The following HERC4 variants were observed in gnomAD, a reference collection of about 807,000 sequenced individuals.
HERC4 encodes the protein probable E3 ubiquitin-protein ligase HERC4.
HERC4 carries 28 observed loss-of-function variants against 124.3 expected under a neutral mutation model. That is an observed-to-expected ratio of 0.23 (90% confidence interval 0.17 to 0.31). The LOEUF (loss-of-function observed/expected upper bound fraction) is 0.31, where lower values mean the gene tolerates loss of function less well. HERC4 is among the 10% of genes least tolerant of loss of function. The pLI, the probability that HERC4 is intolerant of heterozygous loss-of-function variation, is 1.00. For missense variants in HERC4, 713 were observed against 1,229.3 expected (o/e 0.58, Z 6.28); for synonymous variants, 407 against 421.5 (o/e 0.97, Z 0.42).
chr10:67,966,504 G>A (rs1354226321), intron 16 of HERC4, 179 bp downstream of exon 16: 10 of 507,474 alleles, frequency 2.0e-5, no homozygotes, highest in Non-Finnish European at 2.7e-5. Flanking sequence ...AGAGTAGAAT[G>A]TTTGCATATA....
At chr10:68,070,268 CTTTAGTTAAAAACATTCTTAAAA>C in intron 3 of HERC4, 1 of 968,072 alleles carries the variant, frequency 1.0e-6, no homozygotes, top group Non-Finnish European at 1.2e-6. Context: ...ATATAAATAA[CTTTAGTTAAAAACATTCTTAAAA>C]TTTAGTTAAA....
At chr10:67,964,396 T>C (rs1165670559) in intron 16 of HERC4, among the ~76,000 whole-genome samples, 1 of 152,130 alleles carries the variant, frequency 6.6e-6, no homozygotes, top group Non-Finnish European at 1.5e-5. Context: ...TTTCCTCACT[T>C]CATATCCAAT....
At chr10:68,027,019 CAT>C in intron 7 of HERC4, among the ~76,000 whole-genome samples, 1 of 152,002 alleles carries the variant, frequency 6.6e-6, no homozygotes, top group East Asian at 1.9e-4. Flanking sequence ...AACAAAAAAA[CAT>C]ATAATATATA....
In HERC4 at chr10:68,073,076, C is replaced by T. The variant is rs1315867855; in HGVS notation, c.33G>A (p.Gln11=). 6.2e-7 allele frequency: 1 copy of T among 1,613,958 alleles called. No homozygotes were observed. The highest frequency in any genetic ancestry group is 2.2e-5 in the East Asian group (1 of 44,864). MLCWGNASFG[Q]LGLGGIDEEI... The stretch of plus-strand genomic sequence containing the variant: ...CTTCATCAATTCCACCCAAACCTAG[C>T]TGCCCAAAGGATGCATTTCCCCAGC... Residue 11 remains glutamine (Q), a synonymous_variant, in exon 3 of 25, where the codon CAG becomes CAA. Transcript: ENST00000373700.
intron 7 of HERC4, among the ~76,000 whole-genome samples, chr10:68,031,401 C>T (rs2485677): frequency 0.38 from 57,372 of 151,894 alleles, 11,709 homozygotes; most frequent in East Asian, 0.85. Context: ...ATTTAAGACT[C>T]GCCAACAGGA....
chr10:68,041,106 C>T (rs76919885), intron 4 of HERC4, among the ~76,000 whole-genome samples: 1 of 150,826 alleles, frequency 6.6e-6, no homozygotes, highest in Admixed American at 6.6e-5. Context: ...AGAAATCAGG[C>T]ATTGTTAGTT....
intron 3 of HERC4, among the ~76,000 whole-genome samples, chr10:68,048,146 T>C (rs748329447): frequency 1.2e-4 from 18 of 151,950 alleles, no homozygotes; most frequent in Admixed American, 8.5e-4. Flanking sequence ...CATGAACTCC[T>C]GGGCTCAAGT....
chr10:67,944,189 A>G (rs1325736221), intron 19 of HERC4, among the ~76,000 whole-genome samples: 1 of 152,242 alleles, frequency 6.6e-6, no homozygotes, highest in Non-Finnish European at 1.5e-5. Context: ...GTGCAGTCCC[A>G]GTAGTGGTGT....
rs2039864427 is a variant in HERC4, at chr10:68,043,387, T to C, written c.386+1017A>G. Among the ~76,000 whole-genome samples, 3 of 152,188 alleles carry C rather than the reference T, an allele frequency of 2.0e-5. No individual in the cohort carries two copies. In the South Asian group the frequency reaches 6.2e-4, roughly 32 times the overall value. Reference sequence around the variant, plus strand: ...TACTAGGAAAAAGAACAAAAGAGTTTAAAGAGGTCAGAATTTGTGTAAATT... The same window carrying C: ...TACTAGGAAAAAGAACAAAAGAGTTCAAAGAGGTCAGAATTTGTGTAAATT... On this transcript the variant is annotated intron_variant, in intron 4 of 24. Coordinates refer to ENST00000373700, the MANE Select transcript of HERC4 (RefSeq NM_015601.4).
At chr10:67,932,877 G>A in intron 22 of HERC4, 97 bp from the exon 23 acceptor site, 1 of 1,057,808 alleles carries the variant, frequency 9.5e-7, no homozygotes, top group Non-Finnish European at 1.3e-6. Flanking sequence ...TACAATTTCT[G>A]CTACATATCT....
At chr10:68,029,379 G>A (rs146874002) in intron 7 of HERC4, among the ~76,000 whole-genome samples, 4 of 151,818 alleles carry the variant, frequency 2.6e-5, no homozygotes, top group African/African-American at 9.7e-5. Flanking sequence ...GTAGTCCCAG[G>A]TACTCAGGAG....
chr10:68,047,200 G>GAA (rs34624828), intron 3 of HERC4, among the ~76,000 whole-genome samples: 1 of 143,202 alleles, frequency 7.0e-6, no homozygotes. Context: ...ACTTCTTAGG[G>GAA]AAAAAAAAAA....
At chr10:68,010,840 C>G (rs2037906415) in intron 9 of HERC4, 1 of 1,533,094 alleles carries the variant, frequency 6.5e-7, no homozygotes, top group Admixed American at 1.7e-5. Flanking sequence ...TGGCAAATTG[C>G]TCAAGTTCTT....
At chr10:68,074,563 A>C (rs2041718610) in intron 1 of HERC4, 1 of 152,234 alleles carries the variant, frequency 6.6e-6, no homozygotes, top group African/African-American at 2.4e-5. Flanking sequence ...AGGTAGGGAA[A>C]TGAGAAGCAG....
intron 16 of HERC4, chr10:67,960,894 CT>C: frequency 9.9e-6 from 3 of 301,532 alleles, no homozygotes; most frequent in Non-Finnish European, 1.3e-5. Flanking sequence ...ACTGGCAAGC[CT>C]TTTCTTTATC....
chr10:67,956,006 A>T (rs1174791187), intron 17 of HERC4: 1 of 152,200 alleles, frequency 6.6e-6, no homozygotes, highest in Non-Finnish European at 1.5e-5. Context: ...ACCTCCAAAA[A>T]ATTGGCTTAC....
chr10:68,033,067 A>G (rs2039290837), intron 6 of HERC4, among the ~76,000 whole-genome samples, 198 bp from the exon 7 acceptor site: 1 of 152,162 alleles, frequency 6.6e-6, no homozygotes, highest in Non-Finnish European at 1.5e-5. Context: ...GAGGGACTTA[A>G]GAGTTAAGTG....
intron 19 of HERC4, among the ~76,000 whole-genome samples, chr10:67,942,869 C>G (rs918940945): frequency 6.6e-6 from 1 of 152,172 alleles, no homozygotes; most frequent in Non-Finnish European, 1.5e-5. Flanking sequence ...TTCACGTTTT[C>G]ATCTGTATAT....
At chr10:67,981,523 T>C (rs1006905015) in intron 15 of HERC4, among the ~76,000 whole-genome samples, 2 of 152,232 alleles carry the variant, frequency 1.3e-5, no homozygotes, top group Non-Finnish European at 1.5e-5. Flanking sequence ...ATCTGCACTA[T>C]AGACCAAATG....
Sources: gnomAD v4.1 joint callset for allele counts (sites outside exome capture counted in the v4.1 genomes callset) on GRCh38, gnomAD v4.1.1 for gene constraint, MANE v1.5 for transcripts, NCBI Gene and HGNC (gene_info 2026-07-23, HGNC 2026-07-21) for gene names.